Variants in PPP2R2B observed in about 807,000 individuals in gnomAD.
The protein encoded by PPP2R2B is serine/threonine-protein phosphatase 2A 55 kDa regulatory subunit B beta isoform.
In PPP2R2B, 5 loss-of-function variants were observed where a neutral mutation model predicts 46.0. The observed-to-expected ratio is 0.11, with a 90% confidence interval of 0.06 to 0.23. The LOEUF (loss-of-function observed/expected upper bound fraction) is 0.23. Ranked by LOEUF, PPP2R2B falls within the 10% of genes least tolerant of loss-of-function variation. PPP2R2B has a pLI of 1.00. For synonymous variants in PPP2R2B, 215 were observed against 206.7 expected (o/e 1.04, Z -0.34); for missense variants, 367 against 575.0 (o/e 0.64, Z 3.70).
chr5:146,672,647 G>A (rs1426607089), intron 5 of PPP2R2B, among the ~76,000 whole-genome samples: 2 of 152,204 alleles, frequency 1.3e-5, no homozygotes, highest in African/African-American at 4.8e-5. Flanking sequence ...AGAGAAAATG[G>A]ACACCATAGT....
chr5:146,852,583 C>T (rs933308729), intron 2 of PPP2R2B, among the ~76,000 whole-genome samples: 3 of 152,086 alleles, frequency 2.0e-5, no homozygotes, highest in African/African-American at 7.2e-5. Flanking sequence ...ATTGTGGTTC[C>T]GCCTACTGTA....
intron 2 of PPP2R2B, among the ~76,000 whole-genome samples, chr5:146,719,151 T>C (rs961358068): frequency 2.6e-5 from 4 of 152,234 alleles, no homozygotes; most frequent in African/African-American, 9.6e-5. Flanking sequence ...GGTTAAATTA[T>C]AGCTTCCACA....
At chr5:146,922,396 T>C (rs942511254) in intron 1 of PPP2R2B, 1 of 152,190 alleles carries the variant, frequency 6.6e-6, no homozygotes, top group Non-Finnish European at 1.5e-5. Flanking sequence ...GGGATGATAT[T>C]CACTATTGGA....
intron 1 of PPP2R2B, among the ~76,000 whole-genome samples, chr5:146,945,089 C>A (rs1428016324): frequency 1.3e-5 from 2 of 152,318 alleles, no homozygotes; most frequent in Non-Finnish European, 2.9e-5. Context: ...ATTAGGCCAA[C>A]ATACAGCACT....
chr5:147,054,970 T>C (rs962920372), intron 1 of PPP2R2B, among the ~76,000 whole-genome samples: 1 of 152,192 alleles, frequency 6.6e-6, no homozygotes, highest in African/African-American at 2.4e-5. Flanking sequence ...ATTGCCAGAA[T>C]GTTTACAAGG....
intron 4 of PPP2R2B, among the ~76,000 whole-genome samples, chr5:146,693,396 A>G (rs1778995551): frequency 6.6e-6 from 1 of 151,850 alleles, no homozygotes; most frequent in South Asian, 2.1e-4. Flanking sequence ...TCTATTTTTT[A>G]TAGAGACATG....
intron 2 of PPP2R2B, among the ~76,000 whole-genome samples, chr5:146,742,279 G>T (rs765074954): frequency 6.6e-6 from 1 of 151,980 alleles, no homozygotes; most frequent in Non-Finnish European, 1.5e-5. Context: ...TCTGATGCAG[G>T]GGACTCCACA....
intron 8 of PPP2R2B, among the ~76,000 whole-genome samples, chr5:146,597,514 G>T (rs1198681967): frequency 2.6e-5 from 4 of 152,020 alleles, no homozygotes; most frequent in Non-Finnish European, 5.9e-5. Context: ...TGCCTTTCTT[G>T]CTCTCTCTTT....
At chr5:146,691,469 G>C (rs1019464807) in intron 4 of PPP2R2B, among the ~76,000 whole-genome samples, 14 of 152,078 alleles carry the variant, frequency 9.2e-5, no homozygotes, top group African/African-American at 3.1e-4. Context: ...CCCTGATAAT[G>C]GGCTCTTAAA....
At chr5:146,641,947 G>A (rs897303203) in intron 6 of PPP2R2B, among the ~76,000 whole-genome samples, 1 of 152,134 alleles carries the variant, frequency 6.6e-6, no homozygotes, top group Admixed American at 6.5e-5. Flanking sequence ...TTGAATTCAT[G>A]GCTAATATAC....
chr5:146,916,641 A>G (rs1325443439), intron 1 of PPP2R2B, among the ~76,000 whole-genome samples: 1 of 152,134 alleles, frequency 6.6e-6, no homozygotes, highest in Non-Finnish European at 1.5e-5. Context: ...CATCTGAGTG[A>G]GTCCATACTC....
At chr5:146,830,671 C>G (rs1297011044) in intron 2 of PPP2R2B, among the ~76,000 whole-genome samples, 2 of 152,036 alleles carry the variant, frequency 1.3e-5, no homozygotes, top group Non-Finnish European at 2.9e-5. Flanking sequence ...TGGGATTCAC[C>G]ATGTTGGCTA....
chr5:146,625,619 T>C (rs1774002462), intron 7 of PPP2R2B, among the ~76,000 whole-genome samples: 1 of 152,054 alleles, frequency 6.6e-6, no homozygotes, highest in Non-Finnish European at 1.5e-5. Flanking sequence ...TTTAATCCTA[T>C]TTGGGGGTCC....
chr5:146,672,599 A>G (rs1406701792), intron 5 of PPP2R2B, among the ~76,000 whole-genome samples: 1 of 152,182 alleles, frequency 6.6e-6, no homozygotes, highest in East Asian at 1.9e-4. Flanking sequence ...CCCAACACAG[A>G]AAACTGCTTG....
Position 146,867,127 on chromosome 5 carries a change from A to G in PPP2R2B, c.70+10875T>C, listed in dbSNP as rs974799647. ...GTTTCATATGAAAAGTCAGTTGAAG[A>G]ATTTCAAAAGACTTGACAAAGCATT... On this transcript the variant is annotated intron_variant, in intron 2 of 9. Transcript: ENST00000394411. 1.7e-4 allele frequency among the ~76,000 whole-genome samples: 26 copies of G among 152,224 alleles called. 1 individual carries two copies.
intron 2 of PPP2R2B, 68 bp downstream of exon 2, chr5:146,877,934 C>T: frequency 6.5e-7 from 1 of 1,548,484 alleles, no homozygotes; most frequent in South Asian, 1.2e-5. Context: ...GCCCAGCTGC[C>T]CAGGAAGCAC....
At chr5:146,927,737 CTT>C (rs1203303963) in intron 1 of PPP2R2B, among the ~76,000 whole-genome samples, 68 of 142,302 alleles carry the variant, frequency 4.8e-4, no homozygotes, top group Non-Finnish European at 5.7e-4. Flanking sequence ...ATACTTTCTT[CTT>C]TTTTTTTTTT....
At chr5:146,708,747 T>G (rs189607852) in intron 2 of PPP2R2B, among the ~76,000 whole-genome samples, 1 of 152,312 alleles carries the variant, frequency 6.6e-6, no homozygotes, top group Admixed American at 6.5e-5. Context: ...TTTTTTAATC[T>G]TTCTGTCTAG....
chr5:146,705,933 CTT>C (rs747667342), intron 2 of PPP2R2B, among the ~76,000 whole-genome samples: 20 of 139,368 alleles, frequency 1.4e-4, no homozygotes, highest in Admixed American at 2.2e-4. Context: ...TATCTTTTCT[CTT>C]TTTTTTTTTT....
Sources: gnomAD v4.1 joint callset for allele counts (sites outside exome capture counted in the v4.1 genomes callset) on GRCh38, gnomAD v4.1.1 for gene constraint, MANE v1.5 for transcripts, NCBI Gene and HGNC (gene_info 2026-07-23, HGNC 2026-07-21) for gene names.